Variants in COL11A1 observed in about 807,000 individuals in gnomAD.
COL11A1 encodes collagen alpha-1(XI) chain.
COL11A1 carries 74 observed loss-of-function variants against 265.2 expected under a neutral mutation model. That is an observed-to-expected ratio of 0.28 (90% confidence interval 0.23 to 0.34). The LOEUF (loss-of-function observed/expected upper bound fraction) is 0.34, where lower values mean the gene tolerates loss of function less well. Ranked by LOEUF, COL11A1 falls within the 10% of genes least tolerant of loss-of-function variation. The pLI, the probability that COL11A1 is intolerant of heterozygous loss-of-function variation, is 1.00. For missense variants in COL11A1, 2,165 were observed against 2,263.6 expected, an observed-to-expected ratio of 0.96 and a Z score of 0.88; for synonymous variants, 816 against 727.6, an observed-to-expected ratio of 1.12 and a Z score of -1.96.
chr1:102,965,594 C>T (rs1315085588), intron 37 of COL11A1, 54 bp from the exon 38 acceptor site: 1 of 1,465,526 alleles, frequency 6.8e-7, no homozygotes, highest in African/African-American at 1.4e-5. Flanking sequence ...AAGCATAAAT[C>T]AAAATTCTAT....
At chr1:102,957,084 G>A (rs1003148026) in intron 41 of COL11A1, among the ~76,000 whole-genome samples, 7 of 151,824 alleles carry the variant, frequency 4.6e-5, no homozygotes, top group African/African-American at 1.2e-4. Context: ...TACAAATAAA[G>A]TTTCTCTAAA....
chr1:103,042,555 A>T (rs924550351), intron 4 of COL11A1, among the ~76,000 whole-genome samples: 1 of 152,104 alleles, frequency 6.6e-6, no homozygotes, highest in African/African-American at 2.4e-5. Context: ...TCCGGGACAG[A>T]CATGGAAGCT....
intron 64 of COL11A1, 34 bp from the exon 65 acceptor site, chr1:102,881,799 G>C (rs1417343175): frequency 7.2e-6 from 11 of 1,532,694 alleles, no homozygotes; most frequent in Non-Finnish European, 9.9e-6. Flanking sequence ...TAGTGAGTAG[G>C]TGAAAATTTA....
At chr1:102,951,331 G>A (rs1659852321) in intron 41 of COL11A1, among the ~76,000 whole-genome samples, 1 of 152,078 alleles carries the variant, frequency 6.6e-6, no homozygotes, top group Non-Finnish European at 1.5e-5. Context: ...ATAATATATT[G>A]ACTGTATGCA....
At position 103,010,739 on chromosome 1, in the gene COL11A1, C is replaced by T. The variant is rs377574971; in HGVS notation, c.1629+1674G>A. On this transcript the variant is annotated intron_variant, in intron 14 of 66. Coordinates refer to ENST00000370096, the MANE Select transcript of COL11A1 (RefSeq NM_001854.4). ...TTTTTGAGACGGAGTCTAGCTCTGT[C>T]GCCAAGGCTGGAGTGCAGTGGCACA... Among the ~76,000 whole-genome samples, 75 of 149,728 alleles carry T rather than the reference C, an allele frequency of 5.0e-4. 1 individual carries two copies. Among genetic ancestry groups the T allele is most frequent in the South Asian group, 3.2e-3 (15 of 4,744 alleles).
At chr1:102,913,050 T>G (rs1361081556) in intron 53 of COL11A1, among the ~76,000 whole-genome samples, 1 of 152,192 alleles carries the variant, frequency 6.6e-6, no homozygotes, top group Non-Finnish European at 1.5e-5. Flanking sequence ...CTATGCAGAA[T>G]AAGCCTGTAT....
intron 38 of COL11A1, among the ~76,000 whole-genome samples, chr1:102,964,590 G>A (rs909838353): frequency 5.4e-5 from 8 of 149,432 alleles, no homozygotes; most frequent in African/African-American, 2.0e-4. Context: ...CTCTAGGGGT[G>A]TGTGTGTGTG....
intron 5 of COL11A1, 143 bp downstream of exon 5, chr1:103,030,973 T>C: frequency 9.3e-7 from 1 of 1,075,104 alleles, no homozygotes. Context: ...TTCAAGTCAC[T>C]TTTTCCTGGA....
chr1:103,083,154 A>G (rs1188447426), intron 1 of COL11A1, among the ~76,000 whole-genome samples, 182 bp from the exon 2 acceptor site: 2 of 152,012 alleles, frequency 1.3e-5, no homozygotes, highest in Admixed American at 1.3e-4. Flanking sequence ...ATAAACCATA[A>G]CAACATTCTC....
intron 1 of COL11A1, 25 bp downstream of exon 1, chr1:103,108,048 C>A: frequency 1.3e-6 from 2 of 1,584,670 alleles, no homozygotes; most frequent in Non-Finnish European, 1.7e-6. Flanking sequence ...CAATCTCCCA[C>A]CTCCCCAAAT....
chr1:102,979,084 G>T lies in COL11A1; in HGVS notation c.2631C>A (p.Gly877=). ...CCGTTGGACCACGCTGACCCCGAGG[G>T]CCTGGTTTGCCAGCTACTCCCTAGC... ...KGARGVAGKP[G]PRGQRGPTGP... The change falls in exon 33 of 67, where the codon GGC becomes GGA. Residue 877 remains glycine (G), a synonymous_variant. Coordinates refer to ENST00000370096, the MANE Select transcript of COL11A1 (RefSeq NM_001854.4). The T allele has an allele frequency of 6.2e-7, 1 of 1,614,066 alleles. No homozygotes were observed. Among genetic ancestry groups the T allele is most frequent in the South Asian group, 1.1e-5 (1 of 91,080 alleles).
intron 41 of COL11A1, among the ~76,000 whole-genome samples, chr1:102,958,138 A>T (rs2101538938): frequency 6.6e-6 from 1 of 152,246 alleles, no homozygotes; most frequent in South Asian, 2.1e-4. Flanking sequence ...AAACTCAGAC[A>T]TATACATTAT....
intron 1 of COL11A1, among the ~76,000 whole-genome samples, chr1:103,097,265 C>T (rs570903894): frequency 1.3e-5 from 2 of 151,938 alleles, no homozygotes; most frequent in Non-Finnish European, 2.9e-5. Flanking sequence ...TGTTATGTGT[C>T]CCCCGCCTTC....
intron 13 of COL11A1, among the ~76,000 whole-genome samples, chr1:103,013,259 C>T (rs111370124): frequency 2.6e-5 from 4 of 152,056 alleles, no homozygotes; most frequent in African/African-American, 9.6e-5. Flanking sequence ...ACAGTAGGAT[C>T]TCCAAAATCA....
intron 57 of COL11A1, among the ~76,000 whole-genome samples, chr1:102,895,547 A>T (rs1416319503): frequency 6.6e-6 from 1 of 151,176 alleles, no homozygotes; most frequent in Non-Finnish European, 1.5e-5. Context: ...TTGGATATGG[A>T]TGTGAATATA....
rs1658589699 is a variant in COL11A1, at chr1:102,940,328, T to C, written c.3383A>G (p.Lys1128Arg). The C allele has an allele frequency of 6.2e-7, 1 of 1,612,318 alleles. No homozygotes were observed. Among genetic ancestry groups the C allele is most frequent in the Admixed American group, 1.7e-5 (1 of 59,964 alleles). Residue 1128 changes from lysine (K) to arginine (R), a missense_variant and splice_region_variant, in exon 43 of 67, where the codon AAG (lysine) becomes AGG (arginine). Transcript: ENST00000370096. ...PAGSPGEDGD[K>R]GEIGEPGQKG... Reference sequence around the variant, plus strand: ...CTAACACGAATAATGAATACCAACCTTGTCTCCGTCTTCCCCAGGGGAGCC... The same window carrying C: ...CTAACACGAATAATGAATACCAACCCTGTCTCCGTCTTCCCCAGGGGAGCC...
At chr1:102,993,114 T>C (rs957441637) in intron 28 of COL11A1, among the ~76,000 whole-genome samples, 1 of 152,272 alleles carries the variant, frequency 6.6e-6, no homozygotes, top group East Asian at 1.9e-4. Flanking sequence ...TTTTAAACAC[T>C]GCCTAGCCCC....
rs117419649 is a variant in COL11A1 at position 103,000,847 on chromosome 1, T to C, written c.2142+1078A>G. Among the ~76,000 whole-genome samples the C allele has an allele frequency of 1.5e-3, 226 of 152,096 alleles. 1 individual carries two copies. The East Asian group carries it at 0.036, about 24-fold the overall frequency. On this transcript the variant is annotated intron_variant, in intron 24 of 66. Transcript: ENST00000370096. ...TGGAGAATAGCGAAAAAGTATAAAC[T>C]ACACCTATTCTATCAACTGCCAAGT...
At chr1:103,071,005 A>G (rs191082180) in intron 4 of COL11A1, among the ~76,000 whole-genome samples, 222 of 152,118 alleles carry the variant, frequency 1.5e-3, no homozygotes, top group African/African-American at 4.5e-3. Context: ...CAGGCCTTGT[A>G]CAGTTATCAA....
Sources: gnomAD v4.1 joint callset for allele counts (sites outside exome capture counted in the v4.1 genomes callset) on GRCh38, gnomAD v4.1.1 for gene constraint, MANE v1.5 for transcripts, NCBI Gene and HGNC (gene_info 2026-07-23, HGNC 2026-07-21) for gene names.